SLC16A10: variants seen among roughly 807,000 people sequenced by gnomAD.
SLC16A10 encodes the protein solute carrier family 16 member 10, also known as monocarboxylate transporter 10.
In SLC16A10, 27 loss-of-function variants were observed where a neutral mutation model predicts 40.0. That is an observed-to-expected ratio of 0.67 (90% CI 0.50 to 0.93). The LOEUF (loss-of-function observed/expected upper bound fraction) is 0.93. SLC16A10 is among the 40% of genes least tolerant of loss of function. The probability of loss-of-function intolerance (pLI) is 0.00; values close to 1 mark genes in which losing one functional copy is unlikely to be tolerated. For missense variants in SLC16A10, 529 were observed against 658.2 expected, an observed-to-expected ratio of 0.80 and a Z score of 2.15; for synonymous variants, 213 against 249.8, an observed-to-expected ratio of 0.85 and a Z score of 1.39.
intron 3 of SLC16A10, among the ~76,000 whole-genome samples, chr6:111,188,706 G>A (rs1007417886): frequency 1.3e-5 from 2 of 151,992 alleles, no homozygotes; most frequent in African/African-American, 4.8e-5. Flanking sequence ...TGTATTTCTT[G>A]TATTTTTGTT....
chr6:111,155,717 C>T (rs1395885927), intron 1 of SLC16A10, among the ~76,000 whole-genome samples: 3 of 152,138 alleles, frequency 2.0e-5, no homozygotes, highest in African/African-American at 7.2e-5. Context: ...GTATGCTCAG[C>T]ATGAATTTAT....
At chr6:111,172,882 G>A in intron 2 of SLC16A10, 43 bp downstream of exon 2, 2 of 1,597,774 alleles carry the variant, frequency 1.3e-6, no homozygotes, top group South Asian at 1.1e-5. Context: ...AAAACTGTTA[G>A]ATACCTTAAA....
intron 1 of SLC16A10, among the ~76,000 whole-genome samples, chr6:111,165,815 G>C (rs1772461723): frequency 6.6e-6 from 1 of 152,330 alleles, no homozygotes; most frequent in Middle Eastern, 3.4e-3. Context: ...AAGTCACACA[G>C]ATATTAGCCA....
intron 1 of SLC16A10, among the ~76,000 whole-genome samples, chr6:111,117,168 T>A (rs1368743598): frequency 1.3e-5 from 2 of 151,638 alleles, no homozygotes; most frequent in Non-Finnish European, 2.9e-5. Context: ...GGCTAACACG[T>A]TGAAACCCCG....
At chr6:111,217,927 C>T (rs1235488892) in intron 4 of SLC16A10, among the ~76,000 whole-genome samples, 1 of 152,124 alleles carries the variant, frequency 6.6e-6, no homozygotes, top group Admixed American at 6.5e-5. Context: ...GGAACGAAAT[C>T]TTATTCATTG....
intron 1 of SLC16A10, among the ~76,000 whole-genome samples, chr6:111,159,136 CT>C (rs1172131193): frequency 1.4e-5 from 2 of 145,944 alleles, no homozygotes; most frequent in African/African-American, 5.0e-5. Context: ...CCCGTGTACA[CT>C]TCTCCATTCC....
chr6:111,092,391 C>T (rs1239914334), intron 1 of SLC16A10, among the ~76,000 whole-genome samples: 35 of 143,534 alleles, frequency 2.4e-4, no homozygotes, highest in Non-Finnish European at 6.0e-5. Flanking sequence ...ACCATCTCGG[C>T]TCACTGCAAC....
chr6:111,169,144 G>T (rs1023048247), intron 1 of SLC16A10, among the ~76,000 whole-genome samples: 6 of 152,170 alleles, frequency 3.9e-5, no homozygotes, highest in African/African-American at 1.4e-4. Context: ...TGGTGTCTGT[G>T]TTGAATTTGC....
intron 3 of SLC16A10, among the ~76,000 whole-genome samples, chr6:111,196,701 T>A (rs1773085248): frequency 6.6e-6 from 1 of 152,136 alleles, no homozygotes; most frequent in African/African-American, 2.4e-5. Flanking sequence ...GATCATAGTT[T>A]GTTACTAGAG....
At chr6:111,089,760 G>T (rs1177581811) in intron 1 of SLC16A10, among the ~76,000 whole-genome samples, 2 of 152,100 alleles carry the variant, frequency 1.3e-5, no homozygotes, top group African/African-American at 4.8e-5. Context: ...AGAATTGACA[G>T]AGTTAACATT....
chr6:111,222,239 C>G lies in SLC16A10; in HGVS notation c.*4C>G. 2 of 1,592,550 alleles carry G rather than the reference C, an allele frequency of 1.3e-6. No individual in the cohort carries two copies. The highest frequency in any genetic ancestry group is 1.7e-6 in the Non-Finnish European group (2 of 1,174,202). Reference sequence around the variant, plus strand: ...AGAATCTGACTCTATTATTTAATATCTTACATACCTCCACCAGACTGGACT... The same window carrying G: ...AGAATCTGACTCTATTATTTAATATGTTACATACCTCCACCAGACTGGACT... On this transcript the variant is annotated 3_prime_UTR_variant, in exon 6 of 6. Coordinates refer to ENST00000368851, the MANE Select transcript of SLC16A10 (RefSeq NM_018593.5).
At chr6:111,219,131 A>G in intron 5 of SLC16A10, 89 bp downstream of exon 5, 2 of 1,159,844 alleles carry the variant, frequency 1.7e-6, no homozygotes, top group Non-Finnish European at 2.5e-6. Context: ...TGTAAAACAT[A>G]TTACAGGTTA....
At chr6:111,145,540 G>T (rs889503686) in intron 1 of SLC16A10, among the ~76,000 whole-genome samples, 6 of 152,140 alleles carry the variant, frequency 3.9e-5, no homozygotes, top group Non-Finnish European at 8.8e-5. Flanking sequence ...ACAGGAAAAA[G>T]AATGAAGTTA....
intron 3 of SLC16A10, among the ~76,000 whole-genome samples, chr6:111,196,881 T>A (rs1773087903): frequency 6.6e-6 from 1 of 152,210 alleles, no homozygotes; most frequent in Non-Finnish European, 1.5e-5. Flanking sequence ...GACTTGATCA[T>A]CCATAGATAC....
chr6:111,170,346 A>G (rs1772562107), intron 1 of SLC16A10, among the ~76,000 whole-genome samples: 1 of 152,212 alleles, frequency 6.6e-6, no homozygotes, highest in Non-Finnish European at 1.5e-5. Context: ...GCTTTTATCT[A>G]AAAGTAGATG....
chr6:111,091,897 T>C (rs1010396363), intron 1 of SLC16A10, among the ~76,000 whole-genome samples: 2 of 152,196 alleles, frequency 1.3e-5, no homozygotes, highest in Non-Finnish European at 1.5e-5. Context: ...AGATAATGAC[T>C]GAGAGAGAAA....
intron 3 of SLC16A10, among the ~76,000 whole-genome samples, chr6:111,186,334 C>A (rs1471912805): frequency 3.9e-5 from 6 of 152,178 alleles, no homozygotes; most frequent in Non-Finnish European, 7.3e-5. Flanking sequence ...GACTAATAAT[C>A]AAATTAAAGT....
At chr6:111,208,985 T>C (rs1170306894) in intron 4 of SLC16A10, among the ~76,000 whole-genome samples, 1 of 152,100 alleles carries the variant, frequency 6.6e-6, no homozygotes, top group African/African-American at 2.4e-5. Flanking sequence ...GAGGATCACT[T>C]GAGGCCAGTT....
intron 1 of SLC16A10, among the ~76,000 whole-genome samples, chr6:111,123,691 G>A (rs1252746425): frequency 6.6e-6 from 1 of 152,190 alleles, no homozygotes; most frequent in African/African-American, 2.4e-5. Flanking sequence ...GGCAATAGGA[G>A]CCTGAATCTG....
Sources: gnomAD v4.1 joint callset for allele counts (sites outside exome capture counted in the v4.1 genomes callset) on GRCh38, gnomAD v4.1.1 for gene constraint, MANE v1.5 for transcripts, NCBI Gene and HGNC (gene_info 2026-07-23, HGNC 2026-07-21) for gene names.